The following MARCO variants were observed in gnomAD, a reference collection of about 807,000 sequenced individuals.
MARCO encodes the protein macrophage receptor MARCO.
Under a neutral mutation model 70.0 loss-of-function variants are expected in MARCO, and 72 were observed. That is an observed-to-expected ratio of 1.03 (90% CI 0.85 to 1.25). The LOEUF is 1.25. MARCO is among the 50% of genes most tolerant of loss of function. The pLI, the probability that MARCO is intolerant of heterozygous loss-of-function variation, is 0.00. For synonymous variants in MARCO, 273 were observed against 243.1 expected, an observed-to-expected ratio of 1.12 and a Z score of -1.14; for missense variants, 696 against 659.3, an observed-to-expected ratio of 1.06 and a Z score of -0.61.
Position 118,970,463 on chromosome 2 carries a change from A to G in MARCO, c.424+125A>G, listed in dbSNP as rs1680144954. The G allele has an allele frequency of 1.6e-5, 11 of 703,338 alleles. No homozygotes were observed. In the East Asian group the frequency reaches 2.4e-4, roughly 16 times the overall value. 43.6% of individuals were successfully genotyped at this position (703,338 alleles called of 1,614,324 possible). A position where few individuals can be genotyped will look rare whatever the true frequency, so the allele number is the denominator to read the frequency against. On this transcript the variant is annotated intron_variant, in intron 3 of 16. Transcript: ENST00000327097. ...TGACCTCCAAGAGCCAGGGACTTAG[A>G]GCAACCAGCTCAATGCCAAGTCTGA...
At position 118,994,391 on chromosome 2, in the gene MARCO, T is replaced by G; in HGVS notation, c.1434T>G (p.Thr478=). Residue 478 remains threonine, a synonymous_variant, in exon 17 of 17, where the codon ACT becomes ACG. Transcript: ENST00000327097. The part of the protein sequence containing the change: ...GRALYKVGAG[T]GQIWLDNVQC... ...TCTTGCTTTCTCTCTATCAAGGCAC[T>G]GGGCAGATCTGGCTGGATAATGTTC... 6.2e-7 allele frequency: 1 copy of G among 1,614,148 alleles called. No individual in the cohort carries two copies. Among genetic ancestry groups the G allele is most frequent in the Admixed American group, 1.7e-5 (1 of 60,026 alleles).
intron 1 of MARCO, among the ~76,000 whole-genome samples, chr2:118,968,535 C>T (rs1220188475): frequency 3.3e-5 from 5 of 152,126 alleles, no homozygotes; most frequent in Non-Finnish European, 5.9e-5. Context: ...AGACCACACC[C>T]CAGAGTGCTA....
Position 118,974,584 on chromosome 2 carries a change from T to C in MARCO, c.613+19T>C, listed in dbSNP as rs200130462. ...GAGGCGGGTGAGTAGGTGCTGGGTA[T>C]GTACCCAGAAATACACAGCAAGTTT... On this transcript the variant is annotated intron_variant, in intron 6 of 16. Coordinates refer to ENST00000327097, the MANE Select transcript of MARCO (RefSeq NM_006770.4). The C allele has an allele frequency of 3.4e-4, 543 of 1,609,362 alleles. 3 individuals carry two copies. The South Asian group carries it at 3.7e-3, about 11-fold the overall frequency.
At chr2:118,958,144 T>C (rs1369725061) in intron 1 of MARCO, among the ~76,000 whole-genome samples, 2 of 151,924 alleles carry the variant, frequency 1.3e-5, no homozygotes, top group Non-Finnish European at 2.9e-5. Context: ...CTGAAAGTCC[T>C]AGCCAGAGCA....
At chr2:118,956,634 G>A (rs1679842825) in intron 1 of MARCO, among the ~76,000 whole-genome samples, 1 of 152,014 alleles carries the variant, frequency 6.6e-6, no homozygotes, top group South Asian at 2.1e-4. Context: ...ATACCTTTGA[G>A]CAAATGGACT....
At chr2:118,987,455 A>G (rs1261478140) in intron 12 of MARCO, among the ~76,000 whole-genome samples, 2 of 152,216 alleles carry the variant, frequency 1.3e-5, no homozygotes, top group Non-Finnish European at 2.9e-5. Context: ...GAAATGATAC[A>G]AACCTCAATT....
chr2:118,992,066 G>A (rs1414396707), intron 14 of MARCO, among the ~76,000 whole-genome samples, 191 bp downstream of exon 14: 1 of 152,196 alleles, frequency 6.6e-6, no homozygotes, highest in African/African-American at 2.4e-5. Flanking sequence ...ACAGCAGCGG[G>A]TTAGGCGCAG....
intron 15 of MARCO, among the ~76,000 whole-genome samples, chr2:118,992,743 C>A (rs911839832): frequency 1.3e-5 from 2 of 151,718 alleles, no homozygotes; most frequent in East Asian, 3.9e-4. Flanking sequence ...CTCCCTTCCT[C>A]CCCTTTCCCT....
At chr2:118,945,037 A>T (rs947200337) in intron 1 of MARCO, 19 of 152,088 alleles carry the variant, frequency 1.2e-4, no homozygotes, top group African/African-American at 4.1e-4. Context: ...GTATCCATGG[A>T]TGAATAACCA....
Position 118,971,550 on chromosome 2 carries a change from C to T in MARCO, c.460+16C>T, listed in dbSNP as rs533540748. 1.5e-5 allele frequency: 24 copies of T among 1,613,538 alleles called. No homozygotes were observed. Among genetic ancestry groups the T allele is most frequent in the South Asian group, 3.3e-5 (3 of 91,038 alleles). On this transcript the variant is annotated intron_variant, in intron 4 of 16. Coordinates refer to ENST00000327097, the MANE Select transcript of MARCO (RefSeq NM_006770.4). ...GGCGCCCCAGGTAGGTTCATTTCCA[C>T]TCACACCCACCCTGCTCTTTCCCCA... is the stretch of plus-strand genomic sequence containing the variant.
intron 1 of MARCO, among the ~76,000 whole-genome samples, chr2:118,968,205 C>T (rs1202574790): frequency 6.6e-6 from 1 of 152,160 alleles, no homozygotes; most frequent in African/African-American, 2.4e-5. Context: ...CTAAACAAGA[C>T]AGAGTAACAG....
At chr2:118,943,110 G>A (rs1296104995) in intron 1 of MARCO, among the ~76,000 whole-genome samples, 1 of 152,152 alleles carries the variant, frequency 6.6e-6, no homozygotes. Flanking sequence ...CTTCCAAGTT[G>A]ATCAGTCATT....
intron 1 of MARCO, among the ~76,000 whole-genome samples, chr2:118,943,534 A>G (rs946177489): frequency 8.5e-5 from 13 of 152,216 alleles, no homozygotes; most frequent in African/African-American, 3.1e-4. Context: ...GGGACAGGGT[A>G]AGCTGCCCAT....
intron 1 of MARCO, among the ~76,000 whole-genome samples, chr2:118,959,499 G>A (rs1679902127): frequency 6.6e-6 from 1 of 152,132 alleles, no homozygotes; most frequent in South Asian, 2.1e-4. Flanking sequence ...ATGTTGGCAT[G>A]GATGTGGTGA....
At chr2:118,971,413 C>G (rs1680168084) in intron 3 of MARCO, 86 bp from the exon 4 acceptor site, 1 of 1,304,216 alleles carries the variant, frequency 7.7e-7, no homozygotes, top group African/African-American at 1.5e-5. Flanking sequence ...CTTACCCTCC[C>G]ACTGCAGAAC....
intron 3 of MARCO, 52 bp downstream of exon 3, chr2:118,970,390 C>A: frequency 7.3e-7 from 1 of 1,376,906 alleles, no homozygotes; most frequent in Non-Finnish European, 1.0e-6. Context: ...GTCTGGGAGA[C>A]AGCGGGATCA....
At chr2:118,953,175 G>A (rs1679758555) in intron 1 of MARCO, among the ~76,000 whole-genome samples, 1 of 152,202 alleles carries the variant, frequency 6.6e-6, no homozygotes, top group African/African-American at 2.4e-5. Flanking sequence ...AAGTTTTAAG[G>A]AAACAATAAC....
At chr2:118,959,071 G>T (rs571404052) in intron 1 of MARCO, among the ~76,000 whole-genome samples, 1 of 152,278 alleles carries the variant, frequency 6.6e-6, no homozygotes, top group South Asian at 2.1e-4. Flanking sequence ...CTAGACATTG[G>T]CTTAAGCAAA....
intron 3 of MARCO, 52 bp from the exon 4 acceptor site, chr2:118,971,447 G>A (rs1008569979): frequency 6.3e-7 from 1 of 1,592,776 alleles, no homozygotes; most frequent in East Asian, 2.2e-5. Flanking sequence ...GTTGGGGCTT[G>A]GGCCAAGGGT....
Sources: allele counts gnomAD v4.1 joint callset (sites outside exome capture counted in the v4.1 genomes callset), GRCh38; gene constraint gnomAD v4.1.1; transcripts MANE v1.5; gene names NCBI Gene and HGNC (gene_info 2026-07-23, HGNC 2026-07-21).